The following PALS1 variants were observed in gnomAD, a reference collection of about 807,000 sequenced individuals.
PALS1 encodes the protein protein PALS1.
A neutral mutation model predicts 78.9 loss-of-function variants in PALS1; 31 were observed. That is an observed-to-expected ratio of 0.39 (90% CI 0.30 to 0.53). The LOEUF (loss-of-function observed/expected upper bound fraction) is 0.53. Ranked by LOEUF, PALS1 falls within the 20% of genes least tolerant of loss-of-function variation. The probability of loss-of-function intolerance (pLI) is 0.67; values close to 1 mark genes in which losing one functional copy is unlikely to be tolerated. For missense variants in PALS1, 704 were observed against 826.5 expected, an observed-to-expected ratio of 0.85 and a Z score of 1.82; for synonymous variants, 276 against 270.9, an observed-to-expected ratio of 1.02 and a Z score of -0.18.
chr14:67,257,290 G>A (rs2084159844), intron 1 of PALS1, among the ~76,000 whole-genome samples: 1 of 152,110 alleles, frequency 6.6e-6, no homozygotes, highest in Admixed American at 6.6e-5. Context: ...ACCTCAGAGG[G>A]GTGACTGAGT....
intron 4 of PALS1, among the ~76,000 whole-genome samples, chr14:67,299,190 T>A (rs1478314993): frequency 6.6e-6 from 1 of 152,218 alleles, no homozygotes; most frequent in African/African-American, 2.4e-5. Flanking sequence ...GTATTGGCTA[T>A]TTCTCTATCT....
At chr14:67,289,128 G>A (rs1254832283) in intron 3 of PALS1, among the ~76,000 whole-genome samples, 1 of 113,048 alleles carries the variant, frequency 8.8e-6, no homozygotes, top group Non-Finnish European at 1.6e-5. Context: ...CGCCATAACT[G>A]GTTAATTTTT....
intron 3 of PALS1, among the ~76,000 whole-genome samples, chr14:67,285,183 T>C (rs2084666635): frequency 6.6e-6 from 1 of 152,222 alleles, no homozygotes; most frequent in African/African-American, 2.4e-5. Context: ...AAAAAAGTCA[T>C]GAAGTTGGTT....
At chr14:67,264,806 G>A (rs2084293906) in intron 1 of PALS1, among the ~76,000 whole-genome samples, 3 of 152,112 alleles carry the variant, frequency 2.0e-5, no homozygotes, top group African/African-American at 7.2e-5. Context: ...AGTTACAGAT[G>A]TGTTATATAT....
intron 14 of PALS1, among the ~76,000 whole-genome samples, chr14:67,329,204 GT>G (rs916024717): frequency 6.6e-6 from 1 of 152,164 alleles, no homozygotes; most frequent in East Asian, 1.9e-4. Flanking sequence ...TCCCTTGTAA[GT>G]TGGATTCCTA....
intron 4 of PALS1, among the ~76,000 whole-genome samples, chr14:67,293,426 G>A (rs2084802213): frequency 6.6e-6 from 1 of 152,096 alleles, no homozygotes; most frequent in African/African-American, 2.4e-5. Flanking sequence ...GTATTTCATT[G>A]AATGCCAACA....
chr14:67,262,709 A>C (rs531853908), intron 1 of PALS1, among the ~76,000 whole-genome samples: 162 of 152,276 alleles, frequency 1.1e-3, no homozygotes, highest in African/African-American at 3.7e-3. Context: ...TTAGTCTCCC[A>C]TTATTTGCAG....
intron 9 of PALS1, among the ~76,000 whole-genome samples, chr14:67,315,509 C>T (rs991746431): frequency 1.3e-5 from 2 of 152,074 alleles, no homozygotes; most frequent in Non-Finnish European, 1.5e-5. Context: ...ATCTCCTGAC[C>T]TCGTGATCTG....
rs1445582769 is a variant in PALS1, at chr14:67,246,652, T to TG, written c.-237+5119_-237+5120insG. Among the ~76,000 whole-genome samples, 954 of 145,726 alleles carry TG rather than the reference T, an allele frequency of 6.5e-3. 10 individuals carry two copies. Among genetic ancestry groups the TG allele is most frequent in the African/African-American group, 0.022 (868 of 39,508 alleles). ...CACTGAGCCTGGCCTACTATAGGTTTTTTTTTTTTTTTTTTTTGAGATGGA... is the reference window on the plus strand; with the variant it reads ...CACTGAGCCTGGCCTACTATAGGTTTGTTTTTTTTTTTTTTTTTGAGATGGA... On this transcript the variant is annotated intron_variant, in intron 1 of 14. Coordinates refer to ENST00000261681, the MANE Select transcript of PALS1 (RefSeq NM_022474.4).
At chr14:67,289,768 C>CT (rs1491090879) in intron 3 of PALS1, among the ~76,000 whole-genome samples, 2,498 of 95,430 alleles carry the variant, frequency 0.026, 196 homozygotes, top group African/African-American at 0.033. Context: ...TTTTCCATGT[C>CT]CTTTTTTTTT....
At chr14:67,321,395 A>C (rs1468790740) in intron 13 of PALS1, 136 bp downstream of exon 13, 2 of 774,002 alleles carry the variant, frequency 2.6e-6, no homozygotes, top group Non-Finnish European at 2.1e-6. Context: ...CTGATTTGCT[A>C]TCTGAAATCA....
In PALS1 at chr14:67,310,581, T is replaced by C. The variant is rs185050438; in HGVS notation, c.1042-1946T>C. 1.1e-4 allele frequency among the ~76,000 whole-genome samples: 17 copies of C among 152,338 alleles called. No homozygotes were observed. The East Asian group carries it at 3.3e-3, about 29-fold the overall frequency. On this transcript the variant is annotated intron_variant, in intron 8 of 14. Transcript: ENST00000261681. The stretch of plus-strand genomic sequence containing the variant: ...AGTGAAAATTCACTATGCTATACAC[T>C]TATGATAATGTGTATTTTTTGTGTA...
At position 67,301,991 on chromosome 14, in the gene PALS1, A is replaced by G. The variant is rs1403376613; in HGVS notation, c.674A>G (p.Asp225Gly). The change falls in exon 6 of 15, where the codon GAT (aspartate) becomes GGT (glycine). Residue 225 changes from aspartate to glycine, a missense_variant. By Grantham distance (94) the Asp-to-Gly change is moderately conservative. Coordinates refer to ENST00000261681, the MANE Select transcript of PALS1 (RefSeq NM_022474.4). ...AAACAGGCACTTTTACTGGCCCACG[A>G]TAAGGTTGCTGAGCAGGAAATGCAG... ...PHIQALLLAHDKVAEQEMQLE... is the reference protein window; with the variant it reads ...PHIQALLLAHGKVAEQEMQLE... The G allele has an allele frequency of 2.5e-6, 4 of 1,601,008 alleles. No individual in the cohort carries two copies. The highest frequency in any genetic ancestry group is 2.6e-6 in the Non-Finnish European group (3 of 1,175,408).
At chr14:67,249,475 T>TAC (rs1447870342) in intron 1 of PALS1, among the ~76,000 whole-genome samples, 1 of 152,248 alleles carries the variant, frequency 6.6e-6, no homozygotes, top group Non-Finnish European at 1.5e-5. Context: ...ACATAGCAGA[T>TAC]ACTTAATAAA....
rs1235888280 is a variant in PALS1 at position 67,334,022 on chromosome 14, A to ACTT, written c.*1067_*1069dup. ...AGATCAACAAATGGTCATTGAAAAC[A>ACTT]CTTGTTTAGCATTAGAATAAAATTA... is the stretch of plus-strand genomic sequence containing the variant. On this transcript the variant is annotated 3_prime_UTR_variant, in exon 15 of 15. Coordinates refer to ENST00000261681, the MANE Select transcript of PALS1 (RefSeq NM_022474.4). 7 of 152,712 alleles carry ACTT rather than the reference A, an allele frequency of 4.6e-5. No homozygotes were observed. The East Asian group carries it at 1.3e-3, about 29-fold the overall frequency. The allele number at this position is 152,712 out of a possible 1,614,324, so 9.5% of individuals were successfully genotyped here.
chr14:67,276,410 G>A (rs547587482), intron 2 of PALS1, among the ~76,000 whole-genome samples: 5 of 152,148 alleles, frequency 3.3e-5, no homozygotes, highest in African/African-American at 1.2e-4. Context: ...CTAATTTTTA[G>A]TTGCCCTTTG....
chr14:67,333,310 TCA>T lies in PALS1; in HGVS notation c.*359_*360del, dbSNP rs1429479048. 1.2e-5 allele frequency: 2 copies of T among 170,294 alleles called. No individual in the cohort carries two copies. The allele number at this position is 170,294 out of a possible 1,614,324, so 10.5% of individuals were successfully genotyped here. A position where few individuals can be genotyped will look rare whatever the true frequency, so the allele number is the denominator to read the frequency against. On this transcript the variant is annotated 3_prime_UTR_variant, in exon 15 of 15. Transcript: ENST00000261681. Reference sequence around the variant, plus strand: ...ACTTGTATACACAAGCGTCCATGTCTCACACAAATATTGATGTGATTATTCTT... The same window carrying T: ...ACTTGTATACACAAGCGTCCATGTCTCACAAATATTGATGTGATTATTCTT...
rs2084575139 is a variant in PALS1 at position 67,279,689 on chromosome 14, T to C, written c.367+152T>C. ...CCTTTGTTTTCGTGGAAACGCCGTA[T>C]AACTATTGTTTACTGTTACCAACAT... On this transcript the variant is annotated intron_variant, in intron 3 of 14. Coordinates refer to ENST00000261681, the MANE Select transcript of PALS1 (RefSeq NM_022474.4). 4 of 678,044 alleles carry C rather than the reference T, an allele frequency of 5.9e-6. No homozygotes were observed. The South Asian group carries it at 1.4e-4, about 23-fold the overall frequency. The allele number at this position is 678,044 out of a possible 1,614,324, so 42.0% of individuals were successfully genotyped here. A position where few individuals can be genotyped will look rare whatever the true frequency, so the allele number is the denominator to read the frequency against.
intron 1 of PALS1, among the ~76,000 whole-genome samples, chr14:67,257,644 G>A (rs1214552473): frequency 1.3e-5 from 2 of 151,246 alleles, no homozygotes; most frequent in African/African-American, 2.4e-5. Context: ...ACATACACAC[G>A]TATTTTATAT....
Sources: gnomAD v4.1 joint callset for allele counts (sites outside exome capture counted in the v4.1 genomes callset) on GRCh38, gnomAD v4.1.1 for gene constraint, MANE v1.5 for transcripts, NCBI Gene and HGNC (gene_info 2026-07-23, HGNC 2026-07-21) for gene names.